TAF4: variants seen among roughly 807,000 people sequenced by gnomAD.
TAF4 encodes TATA-box binding protein associated factor 4, also known as transcription initiation factor TFIID subunit 4.
Under a neutral mutation model 90.3 loss-of-function variants are expected in TAF4, and 9 were observed. That is an observed-to-expected ratio of 0.10 (90% CI 0.06 to 0.17). The LOEUF is 0.17. Ranked by LOEUF, TAF4 falls within the 10% of genes least tolerant of loss-of-function variation. The probability of loss-of-function intolerance (pLI) is 1.00; values close to 1 mark genes in which losing one functional copy is unlikely to be tolerated. For missense variants in TAF4, 1,351 were observed against 1,370.7 expected (o/e 0.99, Z 0.23); for synonymous variants, 818 against 638.9 (o/e 1.28, Z -4.23).
At chr20:62,052,667 A>C (rs6142938) in intron 1 of TAF4, among the ~76,000 whole-genome samples, 102,566 of 147,940 alleles carry the variant, frequency 0.69, 35,508 homozygotes, top group Middle Eastern at 0.79. Context: ...CCCACATTGC[A>C]CCCCTATGTG....
At position 62,065,416 on chromosome 20, in the gene TAF4, C is replaced by T. The variant is rs2056124666; in HGVS notation, c.395G>A (p.Gly132Asp). ...CACCGGGGCGCAGGACCCCGCGCTG[C>T]CCTCGGGCGGCGGCCTCAGCTTCGC... ...PAAKLRPPPEGSAGSCAPVPA... is the reference protein window; with the variant it reads ...PAAKLRPPPEDSAGSCAPVPA... Residue 132 changes from glycine to aspartate, a missense_variant, in exon 1 of 15, where the codon GGC becomes GAC. Coordinates refer to ENST00000252996, the MANE Select transcript of TAF4 (RefSeq NM_003185.4). 7 of 972,742 alleles carry T rather than the reference C, an allele frequency of 7.2e-6. No individual in the cohort carries two copies. In the South Asian group the frequency reaches 2.8e-4, roughly 38 times the overall value. 60.3% of individuals were successfully genotyped at this position (972,742 alleles called of 1,614,324 possible).
chr20:62,003,279 AAAAC>A lies in TAF4; in HGVS notation c.2372-9_2372-6del, dbSNP rs779716770. Reference sequence around the variant, plus strand: ...CGGCGGGTTTCACCACAGGGACTACAAAACAAACACACAGTGGAAACCACACAAG... The same window carrying A: ...CGGCGGGTTTCACCACAGGGACTACAAAACACACAGTGGAAACCACACAAG... On this transcript the variant is annotated splice_region_variant and splice_polypyrimidine_tract_variant and intron_variant, in intron 8 of 14. Transcript: ENST00000252996. 1 of 1,610,766 alleles carries A rather than the reference AAAAC, an allele frequency of 6.2e-7. No homozygotes were observed. Among genetic ancestry groups the A allele is most frequent in the Non-Finnish European group, 8.5e-7 (1 of 1,176,930 alleles).
At chr20:62,056,854 T>C (rs779222697) in intron 1 of TAF4, among the ~76,000 whole-genome samples, 3 of 152,186 alleles carry the variant, frequency 2.0e-5, no homozygotes, top group Non-Finnish European at 2.9e-5. Context: ...TAACTAATAA[T>C]TTTTTACACT....
intron 10 of TAF4, 54 bp downstream of exon 10, chr20:62,000,498 T>G: frequency 6.3e-7 from 1 of 1,576,160 alleles, no homozygotes; most frequent in Non-Finnish European, 8.6e-7. Flanking sequence ...GAAGCTCCCA[T>G]GCCCCAGCAG....
intron 1 of TAF4, among the ~76,000 whole-genome samples, chr20:62,019,671 C>CA (rs1214268400): frequency 3.9e-5 from 6 of 152,202 alleles, no homozygotes; most frequent in African/African-American, 1.2e-4. Flanking sequence ...TCCCCCAGAG[C>CA]CTTCCAGGGA....
Position 62,065,718 on chromosome 20 carries a change from C to G in TAF4, c.93G>C (p.Ser31=), listed in dbSNP as rs1167329876. The change falls in exon 1 of 15, where the codon TCG becomes TCC. Residue 31 remains serine, a synonymous_variant. Transcript: ENST00000252996. Reference sequence around the variant, plus strand: ...GGTGGGCCGCGCTGGCCGCCAGCTGCGACTCCAGCGAGCCCACCAGGTCGC... The same window carrying G: ...GGTGGGCCGCGCTGGCCGCCAGCTGGGACTCCAGCGAGCCCACCAGGTCGC... ...VVSDLVGSLE[S]QLAASAAHHH... 3 of 1,302,762 alleles carry G rather than the reference C, an allele frequency of 2.3e-6. No individual in the cohort carries two copies. The highest frequency in any genetic ancestry group is 2.8e-5 in the Admixed American group (1 of 35,802). The allele number at this position is 1,302,762 out of a possible 1,614,324, so 80.7% of individuals were successfully genotyped here. A position where few individuals can be genotyped will look rare whatever the true frequency, so the allele number is the denominator to read the frequency against.
At chr20:62,046,349 T>C (rs1224886010) in intron 1 of TAF4, among the ~76,000 whole-genome samples, 3 of 152,248 alleles carry the variant, frequency 2.0e-5, no homozygotes, top group Non-Finnish European at 2.9e-5. Flanking sequence ...TCTATTCGCT[T>C]AAAACATGTC....
chr20:62,003,750 C>G lies in TAF4; in HGVS notation c.2352G>C (p.Gln784His). The G allele has an allele frequency of 1.9e-6, 3 of 1,602,222 alleles. No homozygotes were observed. Among genetic ancestry groups the G allele is most frequent in the Non-Finnish European group, 2.5e-6 (3 of 1,177,454 alleles). ...RIMLTTPQQIQLNPLQPVPVV... is the reference protein window; with the variant it reads ...RIMLTTPQQIHLNPLQPVPVV... Reference sequence around the variant, plus strand: ...CCTCACCTGGCTGCAGTGGGTTCAGCTGGATCTGCTGAGGCGTGGTGAGCA... The same window carrying G: ...CCTCACCTGGCTGCAGTGGGTTCAGGTGGATCTGCTGAGGCGTGGTGAGCA... The change falls in exon 8 of 15, where the codon CAG becomes CAC. Residue 784 changes from glutamine to histidine, a missense_variant. Physicochemically the swap from Gln to His is conservative, Grantham distance 24. Transcript: ENST00000252996.
intron 14 of TAF4, among the ~76,000 whole-genome samples, chr20:61,985,237 G>A (rs2055580421): frequency 6.6e-6 from 1 of 151,594 alleles, no homozygotes; most frequent in South Asian, 2.1e-4. Context: ...GCCACACTGA[G>A]GGACTAAACC....
At chr20:62,031,497 C>T (rs911759437) in intron 1 of TAF4, among the ~76,000 whole-genome samples, 5 of 152,216 alleles carry the variant, frequency 3.3e-5, no homozygotes, top group Non-Finnish European at 5.9e-5. Flanking sequence ...AACATGTGCT[C>T]TTTCATCTGC....
intron 1 of TAF4, among the ~76,000 whole-genome samples, chr20:62,040,548 G>GT (rs1345219181): frequency 6.6e-6 from 1 of 152,064 alleles, no homozygotes; most frequent in African/African-American, 2.4e-5. Flanking sequence ...CGTGACTATC[G>GT]TTAAAACTCA....
rs2055723148 is a variant in TAF4 at position 62,003,715 on chromosome 20, C to T, written c.2371+16G>A. The T allele has an allele frequency of 6.4e-7, 1 of 1,568,162 alleles. No homozygotes were observed. Among genetic ancestry groups the T allele is most frequent in the African/African-American group, 1.4e-5 (1 of 74,046 alleles). ...GCCCTTGGTGTTGAGCGGCCAGGGG[C>T]CCGCGAGGCCCTCACCTGGCTGCAG... On this transcript the variant is annotated intron_variant, in intron 8 of 14. Transcript: ENST00000252996.
intron 1 of TAF4, among the ~76,000 whole-genome samples, chr20:62,032,934 C>T (rs954150322): frequency 3.3e-5 from 5 of 152,210 alleles, no homozygotes; most frequent in African/African-American, 7.2e-5. Flanking sequence ...TAAGAACCTG[C>T]CACCAGCAGA....
rs549610128 is a variant in TAF4 at position 62,002,541 on chromosome 20, C to T, written c.2486+619G>A. Among the ~76,000 whole-genome samples, 16 of 152,272 alleles carry T rather than the reference C, an allele frequency of 1.1e-4. No homozygotes were observed. In the East Asian group the frequency reaches 2.3e-3, roughly 22 times the overall value. The stretch of plus-strand genomic sequence containing the variant: ...GGCCTCACTCTGTCACCGACGCTGG[C>T]GTACACTGCTAAAACCATAGCTCAC... On this transcript the variant is annotated intron_variant, in intron 9 of 14. Transcript: ENST00000252996.
At chr20:61,982,806 G>A (rs1046344796) in intron 14 of TAF4, among the ~76,000 whole-genome samples, 1 of 152,204 alleles carries the variant, frequency 6.6e-6, no homozygotes, top group Admixed American at 6.5e-5. Context: ...CAGAGCCGAC[G>A]GCAGGGCTGC....
intron 12 of TAF4, 114 bp from the exon 13 acceptor site, chr20:61,998,306 C>T (rs902454869): frequency 1.8e-6 from 2 of 1,091,620 alleles, no homozygotes; most frequent in Non-Finnish European, 2.5e-6. Flanking sequence ...TTAAAGAATG[C>T]ATAGCAAATT....
intron 7 of TAF4, chr20:62,004,578 T>C (rs985547672): frequency 4.6e-5 from 7 of 152,166 alleles, no homozygotes; most frequent in South Asian, 2.1e-4. Flanking sequence ...TCCTCCCACT[T>C]TGACCTCCCA....
At chr20:62,019,733 TC>T (rs1277756436) in intron 1 of TAF4, among the ~76,000 whole-genome samples, 15 of 152,300 alleles carry the variant, frequency 9.8e-5, no homozygotes, top group Admixed American at 6.5e-4. Flanking sequence ...TGTGAGTGAA[TC>T]CCACCCTCCC....
intron 1 of TAF4, among the ~76,000 whole-genome samples, chr20:62,063,409 G>A (rs899135581): frequency 3.3e-5 from 5 of 152,074 alleles, no homozygotes; most frequent in South Asian, 2.1e-4. Flanking sequence ...ACCACAGGCC[G>A]GGGAGGAGCT....
Sources: gnomAD v4.1 joint callset for allele counts (sites outside exome capture counted in the v4.1 genomes callset) on GRCh38, gnomAD v4.1.1 for gene constraint, MANE v1.5 for transcripts, NCBI Gene and HGNC (gene_info 2026-07-23, HGNC 2026-07-21) for gene names.